PPP2R2B: variants seen among roughly 807,000 people sequenced by gnomAD.
PPP2R2B encodes the protein serine/threonine-protein phosphatase 2A 55 kDa regulatory subunit B beta isoform.
In PPP2R2B, 5 loss-of-function variants were observed where a neutral mutation model predicts 46.0. The ratio of observed to expected loss-of-function variants is 0.11; its 90% CI spans 0.06 to 0.23. The LOEUF (loss-of-function observed/expected upper bound fraction) is 0.23. PPP2R2B is among the 10% of genes least tolerant of loss of function. The probability of loss-of-function intolerance (pLI) is 1.00; values close to 1 mark genes in which losing one functional copy is unlikely to be tolerated. For synonymous variants in PPP2R2B, 215 were observed against 206.7 expected (o/e 1.04, Z -0.34); for missense variants, 367 against 575.0 (o/e 0.64, Z 3.70).
intron 5 of PPP2R2B, among the ~76,000 whole-genome samples, chr5:146,673,226 C>T (rs1370327972): frequency 6.6e-6 from 1 of 152,128 alleles, no homozygotes. Flanking sequence ...CATTGTTTTT[C>T]CAGAATCTAT....
intron 2 of PPP2R2B, among the ~76,000 whole-genome samples, chr5:146,837,581 A>G (rs1432614944): frequency 3.9e-5 from 6 of 152,256 alleles, no homozygotes; most frequent in Non-Finnish European, 8.8e-5. Context: ...AGCCACATTA[A>G]AAAGTAAAAA....
At chr5:146,704,951 G>A (rs1461615586) in intron 2 of PPP2R2B, among the ~76,000 whole-genome samples, 1 of 152,160 alleles carries the variant, frequency 6.6e-6, no homozygotes, top group Non-Finnish European at 1.5e-5. Flanking sequence ...AGAGAATTGA[G>A]TTGAGGCAGG....
intron 2 of PPP2R2B, among the ~76,000 whole-genome samples, chr5:146,785,157 A>C (rs1755756157): frequency 6.6e-6 from 1 of 152,204 alleles, no homozygotes; most frequent in African/African-American, 2.4e-5. Flanking sequence ...AGAGAATATA[A>C]ACACAATCAA....
intron 9 of PPP2R2B, chr5:146,592,094 G>A: frequency 2.3e-6 from 1 of 438,194 alleles, no homozygotes; most frequent in Non-Finnish European, 4.6e-6. Flanking sequence ...TTTTTCCCAT[G>A]GTGGATTTTG....
At chr5:146,795,908 G>C (rs561836701) in intron 2 of PPP2R2B, among the ~76,000 whole-genome samples, 1 of 152,258 alleles carries the variant, frequency 6.6e-6, no homozygotes, top group South Asian at 2.1e-4. Context: ...AAAATTCTTT[G>C]TCATCATTAG....
chr5:146,761,145 C>T (rs190749791), intron 2 of PPP2R2B, among the ~76,000 whole-genome samples: 1 of 152,152 alleles, frequency 6.6e-6, no homozygotes, highest in Non-Finnish European at 1.5e-5. Flanking sequence ...ACCATTTGAC[C>T]CAGCCATCCC....
chr5:146,633,537 T>G (rs982612611), intron 7 of PPP2R2B, among the ~76,000 whole-genome samples: 1 of 152,214 alleles, frequency 6.6e-6, no homozygotes, highest in Admixed American at 6.5e-5. Context: ...CTGAAGAAGG[T>G]TGGTTCTTTG....
intron 1 of PPP2R2B, among the ~76,000 whole-genome samples, chr5:146,996,988 C>T (rs1346725807): frequency 6.6e-6 from 1 of 152,184 alleles, no homozygotes; most frequent in East Asian, 1.9e-4. Flanking sequence ...TGGGAAGAAT[C>T]ACTTAACCTC....
intron 2 of PPP2R2B, among the ~76,000 whole-genome samples, chr5:147,061,229 A>G (rs1208832727): frequency 6.6e-6 from 1 of 152,212 alleles, no homozygotes; most frequent in African/African-American, 2.4e-5. Context: ...CAAACATTAC[A>G]TGAACAAGGT....
intron 1 of PPP2R2B, among the ~76,000 whole-genome samples, chr5:147,021,956 T>G (rs989140642): frequency 6.6e-6 from 1 of 151,924 alleles, no homozygotes; most frequent in Non-Finnish European, 1.5e-5. Context: ...ATAAAAATAT[T>G]GAGGGGAGAA....
intron 1 of PPP2R2B, among the ~76,000 whole-genome samples, chr5:146,952,105 G>A (rs7711304): frequency 6.6e-6 from 1 of 151,676 alleles, no homozygotes; most frequent in African/African-American, 2.4e-5. Context: ...AAAATTCTAC[G>A]TATATGAGTA....
At chr5:146,825,816 C>T (rs1426938221) in intron 2 of PPP2R2B, among the ~76,000 whole-genome samples, 2 of 152,186 alleles carry the variant, frequency 1.3e-5, no homozygotes, top group African/African-American at 4.8e-5. Context: ...CTATGACATG[C>T]TATGAAAGCA....
intron 1 of PPP2R2B, among the ~76,000 whole-genome samples, chr5:146,946,433 AAGT>A (rs1764485428): frequency 6.6e-6 from 1 of 152,014 alleles, no homozygotes. Context: ...CTTTCATTGC[AAGT>A]TTCATTTTCA....
Position 146,862,871 on chromosome 5 carries a change from A to AC in PPP2R2B, c.70+15130_70+15131insG, listed in dbSNP as rs201662558. ...TGTCAAGTAATTGGAAAAAAAAAAA[A>AC]AAAAAACCCTGGCTTACATAATGGG... On this transcript the variant is annotated intron_variant, in intron 2 of 9. Transcript: ENST00000394411. Among the ~76,000 whole-genome samples the AC allele has an allele frequency of 3.6e-3, 543 of 151,634 alleles. 8 individuals are homozygous for AC. The highest frequency in any genetic ancestry group is 0.013 in the African/African-American group (517 of 41,346).
chr5:146,948,654 T>C (rs1764560135), intron 1 of PPP2R2B, among the ~76,000 whole-genome samples: 1 of 152,124 alleles, frequency 6.6e-6, no homozygotes, highest in South Asian at 2.1e-4. Context: ...AAATCATGAA[T>C]CATTAAAGGA....
chr5:146,782,913 A>G (rs1755621893), intron 2 of PPP2R2B, among the ~76,000 whole-genome samples: 1 of 152,136 alleles, frequency 6.6e-6, no homozygotes. Flanking sequence ...AGAAAGGGGA[A>G]TGTGGCTAGA....
rs74357413 is a variant in PPP2R2B at position 146,676,309 on chromosome 5, A to G, written c.447+14819T>C. On this transcript the variant is annotated intron_variant, in intron 5 of 9. Coordinates refer to ENST00000394411, the MANE Select transcript of PPP2R2B (RefSeq NM_181675.4). The stretch of plus-strand genomic sequence containing the variant: ...GAGGGCTTGCATTGCTCATGGGGAA[A>G]AAAGCGAGTTCCTTAACAAGACCTA... Among the ~76,000 whole-genome samples, 4 of 152,238 alleles carry G rather than the reference A, an allele frequency of 2.6e-5. No individual in the cohort carries two copies. The East Asian group carries it at 7.8e-4, about 30-fold the overall frequency.
intron 5 of PPP2R2B, among the ~76,000 whole-genome samples, chr5:146,651,664 A>G (rs1165364101): frequency 6.6e-6 from 1 of 152,132 alleles, no homozygotes; most frequent in Non-Finnish European, 1.5e-5. Flanking sequence ...ACCCCACAAC[A>G]CAGGTGTGGT....
At chr5:146,880,179 T>TTGTGTGTGTG (rs57151657), upstream of PPP2R2B, among the ~76,000 whole-genome samples, 20 of 138,160 alleles carry the variant, frequency 1.4e-4, no homozygotes, top group Non-Finnish European at 1.7e-4. Context: ...CATAGTTATT[T>TTGTGTGTGTG]TGTGTGTGTG....
Sources: allele counts gnomAD v4.1 joint callset (sites outside exome capture counted in the v4.1 genomes callset), GRCh38; gene constraint gnomAD v4.1.1; transcripts MANE v1.5; gene names NCBI Gene and HGNC (gene_info 2026-07-23, HGNC 2026-07-21).